IL36G: variants seen among roughly 807,000 people sequenced by gnomAD.
IL36G encodes interleukin 36 gamma, also known as interleukin-36 gamma.
Under a neutral mutation model 13.5 loss-of-function variants are expected in IL36G, and 10 were observed. That is an observed-to-expected ratio of 0.74 (90% CI 0.46 to 1.26). IL36G has a LOEUF of 1.26. Among genes scored for constraint, IL36G ranks in the 50% most tolerant of loss-of-function variants. IL36G has a pLI of 0.00. For synonymous variants in IL36G, 84 were observed against 74.0 expected (o/e 1.13, Z -0.69); for missense variants, 199 against 203.0 (o/e 0.98, Z 0.12).
chr2:112,979,196 A>AT (rs772736974), intron 2 of IL36G, 25 bp from the exon 3 acceptor site: 9 of 1,434,582 alleles, frequency 6.3e-6, no homozygotes, highest in Non-Finnish European at 7.9e-6. Flanking sequence ...ATATTTCTTC[A>AT]TTTTTTTCTC....
intron 4 of IL36G, among the ~76,000 whole-genome samples, 188 bp downstream of exon 4, chr2:112,980,336 T>A (rs1684240998): frequency 6.6e-6 from 1 of 152,194 alleles, no homozygotes. Flanking sequence ...AGGTCCTTGT[T>A]TTGCTTTTTT....
At chr2:112,978,468 G>T (rs796508287) in intron 1 of IL36G, among the ~76,000 whole-genome samples, 152 bp from the exon 2 acceptor site, 2 of 152,148 alleles carry the variant, frequency 1.3e-5, no homozygotes, top group African/African-American at 2.4e-5. Context: ...TTCAAGTTTC[G>T]TCCCAGATGT....
intron 4 of IL36G, among the ~76,000 whole-genome samples, chr2:112,984,364 C>G (rs764226859): frequency 2.0e-4 from 30 of 152,162 alleles, no homozygotes; most frequent in Admixed American, 1.7e-3. Context: ...GTTAGACCCT[C>G]TTGGGTCTTT....
chr2:112,984,309 G>T (rs1206297887), intron 4 of IL36G, among the ~76,000 whole-genome samples: 1 of 152,104 alleles, frequency 6.6e-6, no homozygotes, highest in Non-Finnish European at 1.5e-5. Flanking sequence ...GGCATTTTTT[G>T]ATTGCTCTAT....
At chr2:112,979,828 G>T (rs1393482274) in intron 3 of IL36G, among the ~76,000 whole-genome samples, 181 bp from the exon 4 acceptor site, 4 of 136,360 alleles carry the variant, frequency 2.9e-5, no homozygotes, top group Non-Finnish European at 3.3e-5. Context: ...GCAGTGATTG[G>T]CACATGGTAT....
intron 4 of IL36G, among the ~76,000 whole-genome samples, chr2:112,980,430 C>A (rs999412365): frequency 1.3e-5 from 2 of 151,908 alleles, no homozygotes; most frequent in Admixed American, 6.6e-5. Flanking sequence ...TATGGGCAGA[C>A]AATTGTTAAG....
Position 112,979,270 on chromosome 2 carries a change from GA to G in IL36G, c.106del (p.Thr36ProfsTer16), listed in dbSNP as rs1264915350. 1 of 1,613,758 alleles carries G rather than the reference GA, an allele frequency of 6.2e-7. No homozygotes were observed. Among genetic ancestry groups the G allele is most frequent in the Non-Finnish European group, 8.5e-7 (1 of 1,179,644 alleles). On this transcript the variant is annotated frameshift_variant, in exon 3 of 5. Coordinates refer to ENST00000259205, the MANE Select transcript of IL36G (RefSeq NM_019618.4). LOFTEE classifies it high-confidence loss of function. ...TTAATGATTTGAATCAGCAAGTGTGGACCCTTCAGGGTCAGAACCTTGTGGC... is the reference window on the plus strand; with the variant it reads ...TTAATGATTTGAATCAGCAAGTGTGGCCCTTCAGGGTCAGAACCTTGTGGC... ...TINDLNQQVW[T>X]LQGQNLVAVP...
chr2:112,978,549 G>A, intron 1 of IL36G, 71 bp from the exon 2 acceptor site: 1 of 1,207,836 alleles, frequency 8.3e-7, no homozygotes, highest in Non-Finnish European at 1.2e-6. Flanking sequence ...ATGAGGGCCT[G>A]TGGAGCTAGT....
chr2:112,978,660 G>C lies in IL36G; in HGVS notation c.22G>C (p.Ala8Pro), dbSNP rs771089638. Residue 8 changes from alanine to proline, a missense_variant, in exon 2 of 5, where the codon GCT becomes CCT. Transcript: ENST00000259205. MRGTPGD[A>P]DGGGRAVYQS... Reference sequence around the variant, plus strand: ...CACTATGAGAGGCACTCCAGGAGACGCTGATGGTGGAGGAAGGGCCGTCTA... The same window carrying C: ...CACTATGAGAGGCACTCCAGGAGACCCTGATGGTGGAGGAAGGGCCGTCTA... 3.8e-5 allele frequency: 61 copies of C among 1,614,068 alleles called. No homozygotes were observed. In the Admixed American group the frequency reaches 9.5e-4, roughly 25 times the overall value.
intron 4 of IL36G, among the ~76,000 whole-genome samples, chr2:112,984,281 T>C (rs1684312926): frequency 6.6e-6 from 1 of 152,258 alleles, no homozygotes; most frequent in Non-Finnish European, 1.5e-5. Context: ...AGAATATAGT[T>C]CCATATACAA....
chr2:112,979,425 C>A, intron 3 of IL36G, 100 bp downstream of exon 3: 3 of 684,488 alleles, frequency 4.4e-6, no homozygotes, highest in East Asian at 2.7e-5. Context: ...TGGGGCCCAC[C>A]AGGAGTGGGG....
chr2:112,978,803 C>A, intron 2 of IL36G, 110 bp downstream of exon 2: 1 of 1,083,930 alleles, frequency 9.2e-7, no homozygotes, highest in Non-Finnish European at 1.4e-6. Flanking sequence ...CACTGCCCTT[C>A]CCACCTGGTG....
chr2:112,982,367 G>A (rs1226920273), intron 4 of IL36G, among the ~76,000 whole-genome samples: 1 of 152,232 alleles, frequency 6.6e-6, no homozygotes, highest in Non-Finnish European at 1.5e-5. Flanking sequence ...GAGAGATAAA[G>A]GCAGACATGA....
chr2:112,979,240 G>A lies in IL36G; in HGVS notation c.75G>A (p.Gly25=), dbSNP rs1212781055. 1.2e-6 allele frequency: 2 copies of A among 1,607,578 alleles called. No individual in the cohort carries two copies. Residue 25 remains glycine, a synonymous_variant, in exon 3 of 5, where the codon GGG becomes GGA. Coordinates refer to ENST00000259205, the MANE Select transcript of IL36G (RefSeq NM_019618.4). ...VYQSMCKPIT[G]TINDLNQQVW... is the part of the protein sequence containing the mutation. ...AATCAGTGTGTAAACCTATTACTGG[G>A]ACTATTAATGATTTGAATCAGCAAG... is the stretch of plus-strand genomic sequence containing the variant.
Position 112,985,049 on chromosome 2 carries a change from A to C in IL36G, c.510A>C (p.Ter170CysextTer26), listed in dbSNP as rs367808289. ...NTAFELNIND[*>C] ...CCTTTGAATTAAATATAAATGACTGAACTCAGCCTAGAGGTGGCAGCTTGG... is the reference window on the plus strand; with the variant it reads ...CCTTTGAATTAAATATAAATGACTGCACTCAGCCTAGAGGTGGCAGCTTGG... The change falls in exon 5 of 5, where the codon TGA becomes TGC. Residue 170 changes from the stop codon to cysteine (C), a stop_lost. Transcript: ENST00000259205. 3.7e-6 allele frequency: 6 copies of C among 1,609,254 alleles called. No individual in the cohort carries two copies. The highest frequency in any genetic ancestry group is 5.1e-6 in the Non-Finnish European group (6 of 1,176,044).
At position 112,984,940 on chromosome 2, in the gene IL36G, C is replaced by A. The variant is rs1458679746; in HGVS notation, c.401C>A (p.Ala134Asp). 6.2e-7 allele frequency: 1 copy of A among 1,613,988 alleles called. No homozygotes were observed. The highest frequency in any genetic ancestry group is 2.2e-5 in the East Asian group (1 of 44,868). ...TGRTSTLESV[A>D]FPDWFIASSK... ...AGGACCTCCACCCTTGAGTCTGTGG[C>A]CTTCCCGGACTGGTTCATTGCCTCC... Residue 134 changes from alanine to aspartate, a missense_variant, in exon 5 of 5, where the codon GCC (alanine) becomes GAC (aspartate). Coordinates refer to ENST00000259205, the MANE Select transcript of IL36G (RefSeq NM_019618.4).
intron 4 of IL36G, among the ~76,000 whole-genome samples, chr2:112,983,680 G>T (rs919276470): frequency 6.6e-6 from 1 of 152,156 alleles, no homozygotes; most frequent in African/African-American, 2.4e-5. Context: ...TGGTAAGAAG[G>T]CAGGGCAGCA....
intron 4 of IL36G, among the ~76,000 whole-genome samples, chr2:112,981,777 A>C (rs1330240034): frequency 2.0e-5 from 3 of 152,142 alleles, no homozygotes; most frequent in African/African-American, 7.2e-5. Flanking sequence ...TTACATTTTC[A>C]GTGTTGTCCC....
chr2:112,983,437 G>A (rs1245742959), intron 4 of IL36G, among the ~76,000 whole-genome samples: 1 of 152,096 alleles, frequency 6.6e-6, no homozygotes, highest in Admixed American at 6.5e-5. Flanking sequence ...GAATATGATC[G>A]CAATGAGTAG....
Sources: gnomAD v4.1 joint callset for allele counts (sites outside exome capture counted in the v4.1 genomes callset) on GRCh38, gnomAD v4.1.1 for gene constraint, MANE v1.5 for transcripts, NCBI Gene and HGNC (gene_info 2026-07-23, HGNC 2026-07-21) for gene names.